CTNNA2: variants seen among roughly 807,000 people sequenced by gnomAD.
CTNNA2 encodes the protein catenin alpha-2.
CTNNA2 carries 42 observed loss-of-function variants against 101.0 expected under a neutral mutation model. The observed-to-expected ratio is 0.42, with a 90% CI of 0.32 to 0.54. The LOEUF (loss-of-function observed/expected upper bound fraction) is 0.54. Ranked by LOEUF, CTNNA2 falls within the 20% of genes least tolerant of loss-of-function variation. The pLI, the probability that CTNNA2 is intolerant of heterozygous loss-of-function variation, is 0.14. For synonymous variants in CTNNA2, 450 were observed against 456.4 expected (o/e 0.99, Z 0.18); for missense variants, 871 against 1,223.1 (o/e 0.71, Z 4.29).
intron 7 of CTNNA2, among the ~76,000 whole-genome samples, chr2:79,993,360 C>T (rs1692315190): frequency 6.6e-6 from 1 of 152,116 alleles, no homozygotes; most frequent in Non-Finnish European, 1.5e-5. Context: ...ATTTTTTGGG[C>T]TCCCACGTGG....
chr2:80,324,339 C>T (rs1006154), intron 7 of CTNNA2, among the ~76,000 whole-genome samples: 23,541 of 151,982 alleles, frequency 0.15, 1,872 homozygotes, highest in Middle Eastern at 0.2. Context: ...AAGTCATAGG[C>T]GAAGTCAGGA....
chr2:79,986,531 G>A (rs565725379), intron 7 of CTNNA2, among the ~76,000 whole-genome samples: 9 of 152,108 alleles, frequency 5.9e-5, no homozygotes, highest in East Asian at 5.8e-4. Flanking sequence ...TGCACTTTTC[G>A]TTGTTCTGCT....
intron 7 of CTNNA2, among the ~76,000 whole-genome samples, chr2:80,187,854 T>G (rs1368512060): frequency 6.6e-6 from 1 of 152,204 alleles, no homozygotes; most frequent in Non-Finnish European, 1.5e-5. Context: ...ATCCCTCATT[T>G]CCACTCCTTT....
intron 7 of CTNNA2, among the ~76,000 whole-genome samples, chr2:80,070,186 A>G (rs1436516805): frequency 6.6e-6 from 1 of 152,180 alleles, no homozygotes; most frequent in Non-Finnish European, 1.5e-5. Context: ...TAACTTTGCA[A>G]TAAAGCAGAG....
intron 4 of CTNNA2, among the ~76,000 whole-genome samples, chr2:79,421,225 C>T (rs894653875): frequency 6.6e-6 from 1 of 152,068 alleles, no homozygotes; most frequent in Non-Finnish European, 1.5e-5. Flanking sequence ...GATGCAGTGT[C>T]ATAAAACAAA....
chr2:79,219,688 A>G (rs4853440), intron 2 of CTNNA2, among the ~76,000 whole-genome samples: 2,904 of 152,284 alleles, frequency 0.019, 140 homozygotes, highest in East Asian at 0.16. Context: ...TAAAAGCTCA[A>G]TTCGTAGCTT....
intron 1 of CTNNA2, among the ~76,000 whole-genome samples, chr2:79,539,212 A>G (rs924503265): frequency 6.6e-6 from 1 of 152,184 alleles, no homozygotes; most frequent in Non-Finnish European, 1.5e-5. Flanking sequence ...GGGGAAATAT[A>G]TTAATAGGAG....
chr2:79,310,704 A>T (rs1253983211), intron 2 of CTNNA2, among the ~76,000 whole-genome samples: 1 of 152,238 alleles, frequency 6.6e-6, no homozygotes, highest in Non-Finnish European at 1.5e-5. Flanking sequence ...TGAGATAGTT[A>T]AAGCCAGCAT....
intron 8 of CTNNA2, among the ~76,000 whole-genome samples, chr2:80,394,540 G>A (rs906525429): frequency 1.3e-5 from 2 of 152,114 alleles, no homozygotes; most frequent in Non-Finnish European, 2.9e-5. Context: ...TGAATATATG[G>A]CCAGGTCTCT....
At chr2:79,750,007 C>T (rs1671907770) in intron 3 of CTNNA2, among the ~76,000 whole-genome samples, 1 of 152,148 alleles carries the variant, frequency 6.6e-6, no homozygotes, top group Non-Finnish European at 1.5e-5. Flanking sequence ...GATTGAGTAG[C>T]TCGGTATGGC....
At chr2:80,226,816 C>A (rs1207749255) in intron 7 of CTNNA2, among the ~76,000 whole-genome samples, 1 of 152,044 alleles carries the variant, frequency 6.6e-6, no homozygotes, top group Non-Finnish European at 1.5e-5. Flanking sequence ...TTCTCATATC[C>A]CATCTCACAC....
intron 9 of CTNNA2, among the ~76,000 whole-genome samples, chr2:80,540,196 T>G (rs111613550): frequency 1.3e-5 from 2 of 152,168 alleles, no homozygotes; most frequent in East Asian, 3.9e-4. Context: ...CATGAGAAAC[T>G]GACCATGTAG....
chr2:79,739,836 T>G (rs183489988), intron 2 of CTNNA2, among the ~76,000 whole-genome samples: 102 of 152,340 alleles, frequency 6.7e-4, no homozygotes, highest in Non-Finnish European at 1.2e-3. Context: ...CATCCAGTTA[T>G]GCAAAAGGTG....
At chr2:80,250,093 C>G (rs1208270449) in intron 7 of CTNNA2, among the ~76,000 whole-genome samples, 1 of 151,936 alleles carries the variant, frequency 6.6e-6, no homozygotes, top group African/African-American at 2.4e-5. Flanking sequence ...GGCCCTGTGT[C>G]TTTAACTTGA....
At chr2:79,267,332 C>T (rs1674998873) in intron 2 of CTNNA2, among the ~76,000 whole-genome samples, 1 of 152,088 alleles carries the variant, frequency 6.6e-6, no homozygotes, top group Non-Finnish European at 1.5e-5. Flanking sequence ...GGCAGAGTCA[C>T]TGTCTGATGA....
chr2:79,656,083 T>G (rs1298449515), intron 2 of CTNNA2, among the ~76,000 whole-genome samples: 3 of 152,134 alleles, frequency 2.0e-5, no homozygotes, highest in Non-Finnish European at 4.4e-5. Context: ...CTCCTAGTAT[T>G]CCATACTGAT....
Position 80,425,453 on chromosome 2 carries a change from T to G in CTNNA2, c.1290+5852T>G, listed in dbSNP as rs1015964778. 2.6e-5 allele frequency among the ~76,000 whole-genome samples: 4 copies of G among 152,342 alleles called. No homozygotes were observed. In the East Asian group the frequency reaches 7.7e-4, roughly 29 times the overall value. ...TCTGACTGAACTGAAATAACAAGCT[T>G]GGAGGTCTACTTCCTACAATTCCCT... On this transcript the variant is annotated intron_variant, in intron 9 of 18. Coordinates refer to ENST00000402739, the MANE Select transcript of CTNNA2 (RefSeq NM_001282597.3).
chr2:79,505,254 T>G (rs1671386562), intron 5 of CTNNA2: 1 of 152,246 alleles, frequency 6.6e-6, no homozygotes, highest in African/African-American at 2.4e-5. Flanking sequence ...TAATCGTTGG[T>G]TTTTTTCATT....
At chr2:79,743,527 A>C (rs1671437203) in intron 2 of CTNNA2, among the ~76,000 whole-genome samples, 2 of 146,414 alleles carry the variant, frequency 1.4e-5, no homozygotes, top group African/African-American at 2.6e-5. Flanking sequence ...CATTTTATTT[A>C]TTTTATTTAT....
Sources: allele counts gnomAD v4.1 joint callset (sites outside exome capture counted in the v4.1 genomes callset), GRCh38; gene constraint gnomAD v4.1.1; transcripts MANE v1.5; gene names NCBI Gene and HGNC (gene_info 2026-07-23, HGNC 2026-07-21).